WWC2: variants seen among roughly 807,000 people sequenced by gnomAD.
The protein encoded by WWC2 is protein WWC2.
A neutral mutation model predicts 138.5 loss-of-function variants in WWC2; 101 were observed. That is an observed-to-expected ratio of 0.73 (90% CI 0.62 to 0.86). The LOEUF is 0.86. WWC2 is among the 40% of genes least tolerant of loss of function. The probability of loss-of-function intolerance (pLI) is 0.00; values close to 1 mark genes in which losing one functional copy is unlikely to be tolerated. For synonymous variants in WWC2, 558 were observed against 538.4 expected (o/e 1.04, Z -0.50); for missense variants, 1,420 against 1,419.4 (o/e 1.00, Z -0.01).
intron 16 of WWC2, among the ~76,000 whole-genome samples, chr4:183,276,972 T>TTTTTTATTA (rs1164610098): frequency 6.7e-6 from 1 of 150,286 alleles, no homozygotes; most frequent in African/African-American, 2.4e-5. Context: ...TCATTTCTTT[T>TTTTTTATTA]TTATTATTAT....
intron 1 of WWC2, among the ~76,000 whole-genome samples, chr4:183,154,024 AAAAAC>A: frequency 2.0e-5 from 3 of 150,094 alleles, no homozygotes; most frequent in Non-Finnish European, 3.0e-5. Flanking sequence ...AAAAAAAAAA[AAAAAC>A]CCCAAATCTA....
chr4:183,264,199 CA>C (rs1393089772), intron 11 of WWC2, among the ~76,000 whole-genome samples: 1 of 152,218 alleles, frequency 6.6e-6, no homozygotes, highest in Admixed American at 6.5e-5. Flanking sequence ...AAAACTTAAA[CA>C]TCTTCACAAG....
chr4:183,222,548 A>G (rs1269863449), intron 4 of WWC2, among the ~76,000 whole-genome samples: 1 of 152,186 alleles, frequency 6.6e-6, no homozygotes, highest in African/African-American at 2.4e-5. Flanking sequence ...AAGATATTTT[A>G]AAAAATAGAA....
intron 1 of WWC2, among the ~76,000 whole-genome samples, chr4:183,183,835 A>G (rs1017483614): frequency 1.3e-5 from 2 of 152,104 alleles, no homozygotes; most frequent in African/African-American, 4.8e-5. Context: ...CTTAAATTTT[A>G]GCCTCATTAT....
intron 1 of WWC2, among the ~76,000 whole-genome samples, chr4:183,102,686 A>G (rs1173956177): frequency 6.6e-6 from 1 of 152,050 alleles, no homozygotes; most frequent in African/African-American, 2.4e-5. Context: ...TGACTAGGCT[A>G]ATCCTGGGGA....
chr4:183,130,469 G>T (rs534135409), intron 1 of WWC2, among the ~76,000 whole-genome samples: 1 of 152,348 alleles, frequency 6.6e-6, no homozygotes, highest in African/African-American at 2.4e-5. Flanking sequence ...AACTTTGGAT[G>T]TGTTCAGTTT....
At chr4:183,212,905 C>A (rs532289245) in intron 4 of WWC2, among the ~76,000 whole-genome samples, 1 of 151,932 alleles carries the variant, frequency 6.6e-6, no homozygotes, top group Admixed American at 6.6e-5. Flanking sequence ...TATATTATAA[C>A]GTATAATATA....
intron 12 of WWC2, 64 bp downstream of exon 12, chr4:183,265,171 A>G: frequency 6.5e-7 from 1 of 1,533,252 alleles, no homozygotes; most frequent in Non-Finnish European, 8.8e-7. Context: ...TGTGGGTTAT[A>G]TGCTGTAAAT....
intron 15 of WWC2, chr4:183,269,366 T>A: frequency 1.4e-6 from 1 of 720,470 alleles, no homozygotes; most frequent in Non-Finnish European, 2.5e-6. Context: ...AATCTGCTTA[T>A]AAATTGTGAT....
Position 183,265,669 on chromosome 4 carries a change from C to G in WWC2, c.2040-19C>G. 1.3e-6 allele frequency: 2 copies of G among 1,599,790 alleles called. No homozygotes were observed. The highest frequency in any genetic ancestry group is 1.1e-5 in the South Asian group (1 of 88,338). Reference sequence around the variant, plus strand: ...ATAACCCCATTAATTAACTGTTCATCTACTCCCTGTCCATATAGACCTAGT... The same window carrying G: ...ATAACCCCATTAATTAACTGTTCATGTACTCCCTGTCCATATAGACCTAGT... On this transcript the variant is annotated intron_variant, in intron 12 of 22. Coordinates refer to ENST00000403733, the MANE Select transcript of WWC2 (RefSeq NM_024949.6).
chr4:183,206,187 C>G (rs1210717589), intron 2 of WWC2, among the ~76,000 whole-genome samples: 1 of 152,138 alleles, frequency 6.6e-6, no homozygotes, highest in Admixed American at 6.5e-5. Flanking sequence ...CCTGTACTAC[C>G]TGTTGTCCAA....
chr4:183,166,314 A>G (rs1462882253), intron 1 of WWC2, among the ~76,000 whole-genome samples: 3 of 152,178 alleles, frequency 2.0e-5, no homozygotes, highest in Non-Finnish European at 4.4e-5. Flanking sequence ...ATAGCCATCA[A>G]ACTTGTAAAT....
chr4:183,257,533 A>G (rs866960755), intron 9 of WWC2, among the ~76,000 whole-genome samples: 20 of 152,310 alleles, frequency 1.3e-4, no homozygotes, highest in Middle Eastern at 3.4e-3. Flanking sequence ...TTTCTCATCC[A>G]GCAGACCAAC....
chr4:183,309,863 A>G (rs1287293454), intron 21 of WWC2, among the ~76,000 whole-genome samples: 2 of 152,338 alleles, frequency 1.3e-5, no homozygotes, highest in East Asian at 1.9e-4. Flanking sequence ...TATCCAGACA[A>G]TGGAATACTC....
rs1358199968 is a variant in WWC2, at chr4:183,261,384, C to T, written c.1761C>T (p.Asp587=). The T allele has an allele frequency of 6.2e-7, 1 of 1,613,220 alleles. No homozygotes were observed. Among genetic ancestry groups the T allele is most frequent in the Non-Finnish European group, 8.5e-7 (1 of 1,179,588 alleles). Residue 587 remains aspartate (D), a synonymous_variant, in exon 11 of 23, where the codon GAC becomes GAT. Transcript: ENST00000403733. ...ATCAGTTCACTGCTGACTTTGAAGACTGTGAGTTGAGTAGCCATTTTGCAG... is the reference window on the plus strand; with the variant it reads ...ATCAGTTCACTGCTGACTTTGAAGATTGTGAGTTGAGTAGCCATTTTGCAG... ...SLHQFTADFE[D]CELSSHFADI...
At chr4:183,280,664 C>A in intron 16 of WWC2, 112 bp from the exon 17 acceptor site, 1 of 1,152,176 alleles carries the variant, frequency 8.7e-7, no homozygotes, top group Non-Finnish European at 1.2e-6. Flanking sequence ...TTGTTTTCAG[C>A]AGGAGAGTTG....
At chr4:183,264,666 C>A (rs892639651) in intron 11 of WWC2, among the ~76,000 whole-genome samples, 2 of 152,080 alleles carry the variant, frequency 1.3e-5, no homozygotes, top group Non-Finnish European at 2.9e-5. Context: ...ATGAACACTG[C>A]AGTGAATGCT....
rs547734736 is a variant in WWC2 at position 183,118,561 on chromosome 4, C to A, written c.131+18939C>A. Among the ~76,000 whole-genome samples, 4 of 152,276 alleles carry A rather than the reference C, an allele frequency of 2.6e-5. No individual in the cohort carries two copies. The South Asian group carries it at 8.3e-4, about 32-fold the overall frequency. On this transcript the variant is annotated intron_variant, in intron 1 of 22. Transcript: ENST00000403733. The stretch of plus-strand genomic sequence containing the variant: ...TTTTGTCCTGTGTTGCTATGAGCAA[C>A]AATTGTTAAAATTAACTTTTTTAGA...
intron 4 of WWC2, among the ~76,000 whole-genome samples, chr4:183,223,862 C>G (rs1490656458): frequency 1.3e-5 from 2 of 152,130 alleles, no homozygotes; most frequent in African/African-American, 4.8e-5. Flanking sequence ...TCCTGAGTAG[C>G]TGGGACTATA....
Sources: gnomAD v4.1 joint callset for allele counts (sites outside exome capture counted in the v4.1 genomes callset) on GRCh38, gnomAD v4.1.1 for gene constraint, MANE v1.5 for transcripts, NCBI Gene and HGNC (gene_info 2026-07-23, HGNC 2026-07-21) for gene names.